Variants in ME3 observed in about 807,000 individuals in gnomAD.
The protein encoded by ME3 is malic enzyme 3.
Under a neutral mutation model 68.9 loss-of-function variants are expected in ME3, and 48 were observed. That is an observed-to-expected ratio of 0.70 (90% CI 0.55 to 0.89). The LOEUF is 0.89. Among genes scored for constraint, ME3 ranks in the 40% least tolerant of loss-of-function variants. The probability of loss-of-function intolerance (pLI) is 0.00; values close to 1 mark genes in which losing one functional copy is unlikely to be tolerated. For synonymous variants in ME3, 320 were observed against 318.8 expected (o/e 1.00, Z -0.04); for missense variants, 675 against 797.4 (o/e 0.85, Z 1.85).
chr11:86,529,171 G>A (rs2139251406), intron 4 of ME3, among the ~76,000 whole-genome samples: 1 of 152,036 alleles, frequency 6.6e-6, no homozygotes, highest in East Asian at 1.9e-4. Flanking sequence ...ATGATAAAGG[G>A]GATATCACCA....
intron 2 of ME3, among the ~76,000 whole-genome samples, chr11:86,654,015 C>G (rs190436364): frequency 1.6e-4 from 25 of 152,134 alleles, no homozygotes; most frequent in Admixed American, 6.5e-4. Context: ...ATAAATTCCT[C>G]GACACATACA....
rs569904171 is a variant in ME3, at chr11:86,579,947, C to T, written c.184-20124G>A. 2.6e-5 allele frequency among the ~76,000 whole-genome samples: 4 copies of T among 152,302 alleles called. 1 individual carries two copies. The South Asian group carries it at 8.3e-4, about 32-fold the overall frequency. On this transcript the variant is annotated intron_variant, in intron 2 of 14. Transcript: ENST00000543262. ...AAGAAAATATGGAACCTTGGAACTT[C>T]AAACCTTTTGAGTTTTCCTTCTTTC...
At chr11:86,598,235 C>A (rs1012997748) in intron 2 of ME3, among the ~76,000 whole-genome samples, 1 of 152,190 alleles carries the variant, frequency 6.6e-6, no homozygotes, top group Non-Finnish European at 1.5e-5. Flanking sequence ...AAAATCGGGC[C>A]ATTCGCACCC....
chr11:86,620,547 T>A (rs1943281447), intron 2 of ME3, among the ~76,000 whole-genome samples: 1 of 152,172 alleles, frequency 6.6e-6, no homozygotes, highest in Non-Finnish European at 1.5e-5. Context: ...TTGGAGTTAG[T>A]ATGTGAAATC....
chr11:86,518,465 C>G (rs1205523912), intron 4 of ME3, among the ~76,000 whole-genome samples: 1 of 152,218 alleles, frequency 6.6e-6, no homozygotes, highest in African/African-American at 2.4e-5. Context: ...ATTTACTACG[C>G]CCAGCCAGAT....
intron 7 of ME3, among the ~76,000 whole-genome samples, chr11:86,469,902 G>A (rs955707609): frequency 3.3e-5 from 5 of 151,268 alleles, no homozygotes; most frequent in African/African-American, 1.2e-4. Flanking sequence ...AGCAAACAGT[G>A]ACCTGTGCCT....
Position 86,599,625 on chromosome 11 carries a change from G to A in ME3, c.184-39802C>T, listed in dbSNP as rs565719220. On this transcript the variant is annotated intron_variant, in intron 2 of 14. Coordinates refer to ENST00000543262, the Ensembl canonical transcript of ME3. ...ACACCACAAAGATACTCCTTGAGAA[G>A]AACAACTCCAAGACACATGATTGTC... Among the ~76,000 whole-genome samples, 813 of 152,258 alleles carry A rather than the reference G, an allele frequency of 5.3e-3. 3 individuals are homozygous for A. The highest frequency in any genetic ancestry group is 0.018 in the African/African-American group (759 of 41,526).
At chr11:86,545,023 G>A (rs1336727591) in intron 4 of ME3, among the ~76,000 whole-genome samples, 1 of 152,142 alleles carries the variant, frequency 6.6e-6, no homozygotes, top group African/African-American at 2.4e-5. Flanking sequence ...TTCAACATAT[G>A]CAAATCAATA....
At chr11:86,451,396 G>A (rs1949624835) in intron 8 of ME3, among the ~76,000 whole-genome samples, 1 of 152,206 alleles carries the variant, frequency 6.6e-6, no homozygotes, top group Non-Finnish European at 1.5e-5. Context: ...ATAATCAGGT[G>A]GACAAAATGG....
At chr11:86,650,956 C>T (rs955081626) in intron 2 of ME3, among the ~76,000 whole-genome samples, 57 of 152,244 alleles carry the variant, frequency 3.7e-4, no homozygotes, top group Non-Finnish European at 5.6e-4. Flanking sequence ...TATCCCTCAC[C>T]TGGTTCGGAG....
intron 2 of ME3, among the ~76,000 whole-genome samples, chr11:86,595,302 TATATAGAGAGAG>T (rs1959219170): frequency 1.6e-5 from 1 of 63,166 alleles, no homozygotes; most frequent in Non-Finnish European, 3.5e-5. Context: ...CATATATATA[TATATAGAGAGAG>T]AGAGAGAGAG....
chr11:86,457,282 C>A (rs1003753270), intron 8 of ME3: 1 of 160,762 alleles, frequency 6.2e-6, no homozygotes, highest in African/African-American at 2.4e-5. Context: ...GCAAACTCTT[C>A]TAGAGAGCTG....
intron 2 of ME3, among the ~76,000 whole-genome samples, chr11:86,601,806 A>G (rs1046097522): frequency 6.6e-6 from 1 of 152,078 alleles, no homozygotes; most frequent in African/African-American, 2.4e-5. Flanking sequence ...AATATACACC[A>G]ATAAATAAAT....
chr11:86,661,934 G>T (rs181943601), intron 2 of ME3, among the ~76,000 whole-genome samples: 1 of 152,190 alleles, frequency 6.6e-6, no homozygotes, highest in East Asian at 1.9e-4. Flanking sequence ...CTCAGAAAAT[G>T]ACTATTGAAT....
intron 5 of ME3, among the ~76,000 whole-genome samples, chr11:86,507,000 A>C (rs1953126952): frequency 6.6e-6 from 1 of 152,164 alleles, no homozygotes; most frequent in South Asian, 2.1e-4. Context: ...CACAAGGCAA[A>C]ATGATACCCA....
chr11:86,564,405 AAC>A (rs992986171), intron 2 of ME3, among the ~76,000 whole-genome samples: 3 of 151,622 alleles, frequency 2.0e-5, no homozygotes, highest in Admixed American at 6.6e-5. Context: ...AGGGACCCCG[AAC>A]AGCCAAAATC....
chr11:86,448,489 T>C (rs1949449136), intron 10 of ME3, among the ~76,000 whole-genome samples: 1 of 152,126 alleles, frequency 6.6e-6, no homozygotes, highest in Non-Finnish European at 1.5e-5. Context: ...CCAAACCACA[T>C]ATGGAGAATC....
At chr11:86,493,888 A>G (rs754418300) in intron 6 of ME3, among the ~76,000 whole-genome samples, 1 of 152,166 alleles carries the variant, frequency 6.6e-6, no homozygotes, top group Non-Finnish European at 1.5e-5. Context: ...CAGATGGTCA[A>G]GTTATTCTGA....
intron 2 of ME3, among the ~76,000 whole-genome samples, chr11:86,613,719 T>C (rs1942759609): frequency 6.6e-6 from 1 of 152,090 alleles, no homozygotes; most frequent in Admixed American, 6.5e-5. Context: ...CCAGTCACCA[T>C]TGCTACAAAG....
Sources: allele counts gnomAD v4.1 joint callset (sites outside exome capture counted in the v4.1 genomes callset), GRCh38; gene constraint gnomAD v4.1.1; transcripts MANE v1.5; gene names NCBI Gene and HGNC (gene_info 2026-07-23, HGNC 2026-07-21).